Variants in PPHLN1 observed in about 807,000 individuals in gnomAD.
PPHLN1 encodes the protein periphilin 1, also known as periphilin-1.
PPHLN1 carries 29 observed loss-of-function variants against 51.3 expected under a neutral mutation model. That is an observed-to-expected ratio of 0.57 (90% CI 0.42 to 0.77). The LOEUF is 0.77. Ranked by LOEUF, PPHLN1 falls within the 30% of genes least tolerant of loss-of-function variation. PPHLN1 has a pLI of 0.00. For missense variants in PPHLN1, 436 were observed against 438.4 expected, an observed-to-expected ratio of 0.99 and a Z score of 0.05; for synonymous variants, 147 against 147.8, an observed-to-expected ratio of 0.99 and a Z score of 0.04.
intron 9 of PPHLN1, among the ~76,000 whole-genome samples, chr12:42,414,489 T>G (rs936398634): frequency 6.6e-6 from 1 of 152,214 alleles, no homozygotes; most frequent in East Asian, 1.9e-4. Flanking sequence ...CTTTCATCAC[T>G]CTGGTTAAGG....
intron 7 of PPHLN1, 135 bp downstream of exon 7, chr12:42,387,670 A>G: frequency 8.3e-7 from 1 of 1,202,668 alleles, no homozygotes; most frequent in Non-Finnish European, 1.1e-6. Flanking sequence ...ATTTTTGGCT[A>G]GGTGTGGTGG....
intron 5 of PPHLN1, among the ~76,000 whole-genome samples, chr12:42,382,731 A>G (rs1741325759): frequency 6.6e-6 from 1 of 152,212 alleles, no homozygotes; most frequent in Admixed American, 6.5e-5. Flanking sequence ...AAAACGAAAG[A>G]GGAAGGGGTA....
intron 4 of PPHLN1, among the ~76,000 whole-genome samples, chr12:42,359,833 T>G (rs1404820929): frequency 6.6e-6 from 1 of 152,030 alleles, no homozygotes; most frequent in Non-Finnish European, 1.5e-5. Context: ...ATTGACCAGG[T>G]GTGATGGCTC....
At chr12:42,332,548 G>C (rs950082339) in intron 1 of PPHLN1, 9 of 673,984 alleles carry the variant, frequency 1.3e-5, no homozygotes, top group South Asian at 1.3e-4. Context: ...TGTTTGAAGC[G>C]AGTTTGGCCT....
chr12:42,396,834 C>T (rs1481116389), intron 8 of PPHLN1, among the ~76,000 whole-genome samples: 1 of 145,712 alleles, frequency 6.9e-6, no homozygotes, highest in African/African-American at 2.6e-5. Context: ...TGCTGGCTTA[C>T]ACCTGCAAAA....
intron 1 of PPHLN1, among the ~76,000 whole-genome samples, chr12:42,326,800 A>G (rs2068849460): frequency 6.6e-6 from 1 of 152,186 alleles, no homozygotes; most frequent in Non-Finnish European, 1.5e-5. Context: ...TTCCTACAGA[A>G]AAATCAGAAC....
rs568769273 is a variant in PPHLN1 at position 42,328,478 on chromosome 12, G to A, written c.-21+2249G>A. Among the ~76,000 whole-genome samples, 3 of 152,228 alleles carry A rather than the reference G, an allele frequency of 2.0e-5. No individual in the cohort carries two copies. In the South Asian group the frequency reaches 6.2e-4, roughly 32 times the overall value. ...ACTGGAAGGAGGCTGACCGGTTAAG[G>A]CCTTAACTTCCATCCATATATGAAA... On this transcript the variant is annotated intron_variant, in intron 1 of 9. Transcript: ENST00000358314.
At chr12:42,339,133 T>C (rs893499690) in intron 2 of PPHLN1, among the ~76,000 whole-genome samples, 3 of 152,262 alleles carry the variant, frequency 2.0e-5, no homozygotes, top group Admixed American at 2.0e-4. Flanking sequence ...CTTAAATGCC[T>C]AAAGGTAAAC....
chr12:42,445,397 A>G (rs1289809141), downstream of PPHLN1: 4 of 436,590 alleles, frequency 9.2e-6, no homozygotes, highest in Admixed American at 1.5e-4. Context: ...TTAACCCTAG[A>G]GGACTAGAAC....
intron 7 of PPHLN1, among the ~76,000 whole-genome samples, chr12:42,389,090 TG>T (rs1303508863): frequency 6.6e-6 from 1 of 151,690 alleles, no homozygotes; most frequent in East Asian, 1.9e-4. Context: ...TACAAAGAAT[TG>T]GCTGGGTGTG....
chr12:42,374,620 T>A (rs1592514903), intron 4 of PPHLN1: 1 of 243,188 alleles, frequency 4.1e-6, no homozygotes, highest in East Asian at 1.0e-4. Flanking sequence ...TTTTTTTTTT[T>A]TTTTTTTGTA....
At chr12:42,376,883 A>G (rs966994151) in intron 5 of PPHLN1, among the ~76,000 whole-genome samples, 3 of 152,174 alleles carry the variant, frequency 2.0e-5, no homozygotes, top group Non-Finnish European at 4.4e-5. Flanking sequence ...GGTAACTGAA[A>G]GTTTTATTGT....
chr12:42,375,166 T>A, intron 5 of PPHLN1, 92 bp downstream of exon 5: 1 of 1,021,536 alleles, frequency 9.8e-7, no homozygotes. Flanking sequence ...AAGAGATTTA[T>A]TTTTTAAACT....
intron 1 of PPHLN1, among the ~76,000 whole-genome samples, chr12:42,328,788 C>T (rs934439191): frequency 3.3e-5 from 5 of 152,158 alleles, no homozygotes; most frequent in African/African-American, 1.2e-4. Flanking sequence ...TGGCTCACTG[C>T]AACCTCCATC....
intron 9 of PPHLN1, among the ~76,000 whole-genome samples, chr12:42,440,254 G>T (rs897646757): frequency 6.6e-6 from 1 of 151,756 alleles, no homozygotes; most frequent in Non-Finnish European, 1.5e-5. Flanking sequence ...AAATGGTGTT[G>T]TGTTTTAGTT....
At chr12:42,422,547 T>C (rs1447143019) in intron 9 of PPHLN1, among the ~76,000 whole-genome samples, 2 of 152,248 alleles carry the variant, frequency 1.3e-5, no homozygotes, top group Admixed American at 1.3e-4. Context: ...TATTTCTGGC[T>C]TTCCCTGTTA....
At chr12:42,365,844 CT>C (rs1340027180) in intron 4 of PPHLN1, among the ~76,000 whole-genome samples, 1 of 152,118 alleles carries the variant, frequency 6.6e-6, no homozygotes, top group Non-Finnish European at 1.5e-5. Flanking sequence ...CCTCATAATC[CT>C]GGTTGTATTG....
intron 7 of PPHLN1, among the ~76,000 whole-genome samples, chr12:42,390,190 CCTCAGGAGGAAAAA>C (rs1265043335): frequency 2.0e-5 from 3 of 152,108 alleles, no homozygotes; most frequent in Non-Finnish European, 4.4e-5. Flanking sequence ...TGCTTCCCTG[CCTCAGGAGGAAAAA>C]AACAGCTTCT....
intron 6 of PPHLN1, among the ~76,000 whole-genome samples, chr12:42,386,285 C>T (rs908209950): frequency 2.0e-5 from 3 of 152,234 alleles, no homozygotes; most frequent in Non-Finnish European, 4.4e-5. Context: ...TCTGCACATA[C>T]TACCAAATGT....
Sources: gnomAD v4.1 joint callset for allele counts (sites outside exome capture counted in the v4.1 genomes callset) on GRCh38, gnomAD v4.1.1 for gene constraint, MANE v1.5 for transcripts, NCBI Gene and HGNC (gene_info 2026-07-23, HGNC 2026-07-21) for gene names.